MET: variants seen among roughly 807,000 people sequenced by gnomAD.
MET encodes the protein MET proto-oncogene, receptor tyrosine kinase.
A neutral mutation model predicts 133.1 loss-of-function variants in MET; 48 were observed. The ratio of observed to expected loss-of-function variants is 0.36; its 90% confidence interval spans 0.29 to 0.46. MET has a LOEUF of 0.46. MET is among the 20% of genes least tolerant of loss of function. The pLI is 1.00. For synonymous variants in MET, 628 were observed against 616.5 expected (o/e 1.02, Z -0.28); for missense variants, 1,442 against 1,695.9 (o/e 0.85, Z 2.63).
chr7:116,718,537 A>G (rs1792336219), intron 2 of MET, among the ~76,000 whole-genome samples: 1 of 151,636 alleles, frequency 6.6e-6, no homozygotes, highest in Admixed American at 6.6e-5. Context: ...ACATGTGCAC[A>G]TTGTGCAGGT....
intron 17 of MET, 93 bp downstream of exon 17, chr7:116,779,050 T>C: frequency 8.1e-7 from 1 of 1,228,010 alleles, no homozygotes; most frequent in Non-Finnish European, 1.2e-6. Flanking sequence ...AAAAAGCTAG[T>C]AGCCAAAGAT....
At chr7:116,774,057 G>A (rs557307992) in intron 14 of MET, among the ~76,000 whole-genome samples, 17 of 152,148 alleles carry the variant, frequency 1.1e-4, no homozygotes, top group African/African-American at 4.1e-4. Flanking sequence ...TCCTTGATAT[G>A]TGTGAATTCC....
At chr7:116,769,525 C>T (rs1794759907) in intron 11 of MET, 120 bp from the exon 12 acceptor site, 4 of 1,225,980 alleles carry the variant, frequency 3.3e-6, no homozygotes, top group Admixed American at 4.0e-5. Flanking sequence ...ATCATAGAAT[C>T]GTGTGCCTTG....
intron 2 of MET, among the ~76,000 whole-genome samples, chr7:116,725,896 G>T (rs1004894408): frequency 2.0e-5 from 3 of 149,788 alleles, no homozygotes; most frequent in African/African-American, 7.4e-5. Context: ...TATTAGCGGG[G>T]TGTGGTAATT....
intron 11 of MET, among the ~76,000 whole-genome samples, chr7:116,764,160 T>C (rs1363836105): frequency 6.6e-6 from 1 of 152,066 alleles, no homozygotes. Flanking sequence ...TCCATTGAAA[T>C]TTTTCTGACT....
rs927392520 is a variant in MET at position 116,673,938 on chromosome 7, A to G, written c.-15+1361A>G. Among the ~76,000 whole-genome samples, 5 of 152,222 alleles carry G rather than the reference A, an allele frequency of 3.3e-5. 1 individual carries two copies. The highest frequency in any genetic ancestry group is 2.6e-4 in the Admixed American group (4 of 15,284). On this transcript the variant is annotated intron_variant, in intron 1 of 20. Coordinates refer to ENST00000397752, the MANE Select transcript of MET (RefSeq NM_000245.4). ...ATGTTCATTCTTTTTGAACTGCTGA[A>G]TAACAGAGGGAAAATTTACATCATT... is the stretch of plus-strand genomic sequence containing the variant.
chr7:116,749,408 C>A (rs1229312045), intron 5 of MET, among the ~76,000 whole-genome samples: 2 of 152,132 alleles, frequency 1.3e-5, no homozygotes, highest in Non-Finnish European at 2.9e-5. Flanking sequence ...AAATTCAACA[C>A]CCCTTCGTGC....
At chr7:116,786,294 T>C (rs1343320758) in intron 19 of MET, among the ~76,000 whole-genome samples, 3 of 152,188 alleles carry the variant, frequency 2.0e-5, no homozygotes, top group African/African-American at 7.2e-5. Context: ...GCCCCATCAT[T>C]AAACATTGTC....
intron 1 of MET, among the ~76,000 whole-genome samples, chr7:116,694,803 C>G (rs1796903759): frequency 6.6e-6 from 1 of 152,156 alleles, no homozygotes; most frequent in East Asian, 1.9e-4. Context: ...TCTCCTGCCT[C>G]AGCCTCCCAA....
At chr7:116,778,034 C>T (rs1188670893) in intron 16 of MET, among the ~76,000 whole-genome samples, 2 of 152,258 alleles carry the variant, frequency 1.3e-5, no homozygotes, top group East Asian at 1.9e-4. Flanking sequence ...AATGCTGGAA[C>T]ATTACTTAAA....
At chr7:116,783,531 G>A in intron 19 of MET, 62 bp downstream of exon 19, 1 of 1,571,168 alleles carries the variant, frequency 6.4e-7, no homozygotes, top group Non-Finnish European at 8.7e-7. Flanking sequence ...TTTTTTTGAA[G>A]TTTTATCACT....
In MET at chr7:116,795,960, A is replaced by G. The variant is rs771436236; in HGVS notation, c.4009A>G (p.Ile1337Val). Residue 1337 changes from isoleucine (I) to valine (V), a missense_variant, in exon 21 of 21, where the codon ATA (isoleucine) becomes GTA (valine). By Grantham distance (29) the Ile-to-Val change is conservative. Coordinates refer to ENST00000397752, the MANE Select transcript of MET (RefSeq NM_000245.4). ...ATCCTTTTCTGAACTGGTGTCCCGG[A>G]TATCAGCGATCTTCTCTACTTTCAT... ...RPSFSELVSRISAIFSTFIGE... is the reference protein window; with the variant it reads ...RPSFSELVSRVSAIFSTFIGE... The G allele has an allele frequency of 6.2e-6, 10 of 1,614,190 alleles. No individual in the cohort carries two copies. The South Asian group carries it at 9.9e-5, about 16-fold the overall frequency.
chr7:116,775,260 G>C, intron 15 of MET, 149 bp downstream of exon 15: 3 of 784,240 alleles, frequency 3.8e-6, no homozygotes, highest in Non-Finnish European at 6.5e-6. Flanking sequence ...CTATAGAAAT[G>C]TAGCCCTGTA....
intron 1 of MET, among the ~76,000 whole-genome samples, chr7:116,689,386 G>C (rs1358519925): frequency 2.6e-5 from 4 of 151,996 alleles, no homozygotes; most frequent in Non-Finnish European, 5.9e-5. Context: ...GGGTAAAAAA[G>C]ATTATTGTTC....
intron 1 of MET, among the ~76,000 whole-genome samples, chr7:116,694,925 TC>T (rs1379669221): frequency 6.6e-6 from 1 of 152,136 alleles, no homozygotes; most frequent in Non-Finnish European, 1.5e-5. Flanking sequence ...GACCACGTGA[TC>T]CACCCACCTC....
chr7:116,753,779 T>C (rs565421203), intron 5 of MET, among the ~76,000 whole-genome samples: 16 of 152,288 alleles, frequency 1.1e-4, no homozygotes, highest in Non-Finnish European at 5.9e-5. Flanking sequence ...GTGTGTCAAC[T>C]AACCAGCCTG....
At chr7:116,754,053 T>G (rs893111523) in intron 5 of MET, among the ~76,000 whole-genome samples, 4 of 152,260 alleles carry the variant, frequency 2.6e-5, no homozygotes, top group African/African-American at 9.6e-5. Flanking sequence ...GAGGATTGCT[T>G]GAGCCCAGGA....
At chr7:116,733,428 G>A (rs1016277577) in intron 3 of MET, among the ~76,000 whole-genome samples, 16 of 149,690 alleles carry the variant, frequency 1.1e-4, no homozygotes, top group Admixed American at 4.7e-4. Flanking sequence ...CTTTAGCTCC[G>A]ACTTTTTTTA....
chr7:116,758,970 T>A (rs1179727686), intron 9 of MET, among the ~76,000 whole-genome samples: 1 of 152,226 alleles, frequency 6.6e-6, no homozygotes, highest in Non-Finnish European at 1.5e-5. Flanking sequence ...TTTCTTCCAT[T>A]CTCTAGATAT....
Sources: gnomAD v4.1 joint callset for allele counts (sites outside exome capture counted in the v4.1 genomes callset) on GRCh38, gnomAD v4.1.1 for gene constraint, MANE v1.5 for transcripts, NCBI Gene and HGNC (gene_info 2026-07-23, HGNC 2026-07-21) for gene names.